Variants in DRAP1 observed in about 807,000 individuals in gnomAD.
The protein encoded by DRAP1 is DR1 associated protein 1.
DRAP1 carries 10 observed loss-of-function variants against 24.1 expected under a neutral mutation model. The observed-to-expected ratio is 0.41, with a 90% CI of 0.26 to 0.70. DRAP1 has a LOEUF of 0.70. Among genes scored for constraint, DRAP1 ranks in the 30% least tolerant of loss-of-function variants. DRAP1 has a pLI of 0.29. For missense variants in DRAP1, 264 were observed against 275.6 expected (o/e 0.96, Z 0.30); for synonymous variants, 122 against 113.8 (o/e 1.07, Z -0.46).
At position 65,920,244 on chromosome 11, in the gene DRAP1, C is replaced by T. The variant is rs1173478304; in HGVS notation, c.210-99C>T. 1.6e-5 allele frequency: 25 copies of T among 1,566,462 alleles called. No homozygotes were observed. The South Asian group carries it at 2.0e-4, about 13-fold the overall frequency. ...GCAGGCCCGGGAGCGGAGATCGGCCCGGGCTCCAGCCTGACATCTGGGGCC... is the reference window on the plus strand; with the variant it reads ...GCAGGCCCGGGAGCGGAGATCGGCCTGGGCTCCAGCCTGACATCTGGGGCC... On this transcript the variant is annotated intron_variant, in intron 3 of 6. Transcript: ENST00000312515.
intron 3 of DRAP1, 127 bp downstream of exon 3, chr11:65,920,168 CAGAGG>C: frequency 7.0e-7 from 1 of 1,420,488 alleles, no homozygotes; most frequent in Non-Finnish European, 9.6e-7. Flanking sequence ...CACAGACTGG[CAGAGG>C]AGAGGCTGGG....
chr11:65,920,063 G>A (rs762585797), intron 3 of DRAP1, 22 bp downstream of exon 3: 3 of 1,609,236 alleles, frequency 1.9e-6, no homozygotes. Context: ...GGAGCCGGGA[G>A]GGGCCGGCGG....
At chr11:65,921,036 TTC>T in intron 6 of DRAP1, 64 bp downstream of exon 6, 1 of 1,276,022 alleles carries the variant, frequency 7.8e-7, no homozygotes, top group Non-Finnish European at 1.1e-6. Flanking sequence ...ACCCCTCTTG[TTC>T]TCCCTGGCCC....
intron 3 of DRAP1, 64 bp downstream of exon 3, chr11:65,920,105 G>A (rs1433957906): frequency 1.3e-6 from 2 of 1,570,722 alleles, no homozygotes; most frequent in Non-Finnish European, 1.7e-6. Flanking sequence ...CACTGAGGAA[G>A]GCAGAGCCTG....
chr11:65,919,598 C>T (rs1026999025), intron 1 of DRAP1, 55 bp downstream of exon 1: 338 of 1,546,526 alleles, frequency 2.2e-4, no homozygotes, highest in Non-Finnish European at 2.8e-4. Context: ...GTGGCTTGGG[C>T]CCAGTTCCCG....
intron 1 of DRAP1, 48 bp downstream of exon 1, chr11:65,919,591 G>A (rs1246858214): frequency 6.5e-7 from 1 of 1,547,544 alleles, no homozygotes; most frequent in South Asian, 1.2e-5. Flanking sequence ...CTCCCGGGTG[G>A]CTTGGGCCCA....
In DRAP1 at chr11:65,920,602, C is replaced by G. The variant is rs1488744525; in HGVS notation, c.363C>G (p.Asn121Lys). The change falls in exon 5 of 7, where the codon AAC (asparagine) becomes AAG (lysine). Residue 121 changes from asparagine to lysine, a missense_variant. Around this residue, in one of 2 missense-constraint regions of DRAP1, gnomAD observed 243 missense variants for 233.6 expected, o/e 1.04. Transcript: ENST00000312515. ...AGCCAGGCAGCGGCGGCCGGAAGAA[C>G]GGTGGGATGGGAACGAAAAGCAAGG... The part of the protein sequence containing the change: ...GRKPGSGGRK[N>K]GGMGTKSKDK... The G allele has an allele frequency of 1.3e-6, 2 of 1,568,102 alleles. No individual in the cohort carries two copies. Among genetic ancestry groups the G allele is most frequent in the East Asian group, 4.6e-5 (2 of 43,680 alleles).
chr11:65,920,049 G>C lies in DRAP1; in HGVS notation c.209+8G>C. 3 of 1,612,424 alleles carry C rather than the reference G, an allele frequency of 1.9e-6. No individual in the cohort carries two copies. Among genetic ancestry groups the C allele is most frequent in the Non-Finnish European group, 2.5e-6 (3 of 1,179,382 alleles). ...CATGACCACATCCCACCTGTGAGCG[G>C]CGAGGAGCCGGGAGGGGCCGGCGGG... On this transcript the variant is annotated splice_region_variant and intron_variant, in intron 3 of 6. Transcript: ENST00000312515.
chr11:65,919,766 TCCCCCACCCGCAGGCG>T lies in DRAP1; in HGVS notation c.43-12_46del, dbSNP rs1565297912. 6.2e-7 allele frequency: 1 copy of T among 1,612,454 alleles called. No individual in the cohort carries two copies. The highest frequency in any genetic ancestry group is 2.2e-5 in the East Asian group (1 of 44,844). On this transcript the variant is annotated splice_acceptor_variant and splice_polypyrimidine_tract_variant and coding_sequence_variant and intron_variant, in exon 2 of 7. Coordinates refer to ENST00000312515, the MANE Select transcript of DRAP1 (RefSeq NM_006442.4). LOFTEE classifies it high-confidence loss of function. ...GGTGGCGACGGGGTCTGAACTCTGC[TCCCCCACCCGCAGGCG>T]CGGATCAAGAAGATCATGCAGACGG... is the stretch of plus-strand genomic sequence containing the variant.
Position 65,919,561 on chromosome 11 carries a change from C to G in DRAP1, c.42+18C>G, listed in dbSNP as rs1289656666. On this transcript the variant is annotated intron_variant, in intron 1 of 6. Transcript: ENST00000312515. Reference sequence around the variant, plus strand: ...TCCCGCCGGTGAGCACGTGGCAGAGCCCGGCAGGAGTGGGCCCGGCTCCCG... The same window carrying G: ...TCCCGCCGGTGAGCACGTGGCAGAGGCCGGCAGGAGTGGGCCCGGCTCCCG... 8 of 1,548,408 alleles carry G rather than the reference C, an allele frequency of 5.2e-6. No individual in the cohort carries two copies.
At position 65,920,623 on chromosome 11, in the gene DRAP1, C is replaced by G; in HGVS notation, c.384C>G (p.Ser128Arg). Reference sequence around the variant, plus strand: ...AGAACGGTGGGATGGGAACGAAAAGCAAGGACAAGAAGCTGTCCGGGACAG... The same window carrying G: ...AGAACGGTGGGATGGGAACGAAAAGGAAGGACAAGAAGCTGTCCGGGACAG... ...GRKNGGMGTK[S>R]KDKKLSGTDS... Residue 128 changes from serine (S) to arginine (R), a missense_variant, in exon 5 of 7, where the codon AGC (serine) becomes AGG (arginine). Physicochemically the swap from Ser to Arg is moderately radical, Grantham distance 110 (BLOSUM62 -1). This residue lies in a region of DRAP1 where 243 missense variants were observed against 233.6 expected (regional missense o/e 1.04). Coordinates refer to ENST00000312515, the MANE Select transcript of DRAP1 (RefSeq NM_006442.4). The G allele has an allele frequency of 1.3e-6, 2 of 1,540,448 alleles. No individual in the cohort carries two copies. Among genetic ancestry groups the G allele is most frequent in the Non-Finnish European group, 1.8e-6 (2 of 1,142,292 alleles).
chr11:65,919,608 G>A, intron 1 of DRAP1, 65 bp downstream of exon 1: 4 of 1,543,946 alleles, frequency 2.6e-6, no homozygotes, highest in Admixed American at 2.0e-5. Flanking sequence ...CCCAGTTCCC[G>A]CTGGGCAGGC....
In DRAP1 at chr11:65,920,660, G is replaced by C. The variant is rs1854538322; in HGVS notation, c.421G>C (p.Glu141Gln). The change falls in exon 5 of 7, where the codon GAG becomes CAG. Residue 141 changes from glutamate (E) to glutamine (Q), a missense_variant and splice_region_variant. By Grantham distance (29) the Glu-to-Gln change is conservative. This residue lies in a region of DRAP1 where 243 missense variants were observed against 233.6 expected (regional missense o/e 1.04). Transcript: ENST00000312515. ...GCTGTCCGGGACAGACTCGGAGCAG[G>C]AGGTGAGTGAGGCCCCAGCCCTTCG... The part of the protein sequence containing the change: ...KKLSGTDSEQ[E>Q]DESEDTDTDG... 1.3e-6 allele frequency: 2 copies of C among 1,483,240 alleles called. No homozygotes were observed. The highest frequency in any genetic ancestry group is 9.0e-7 in the Non-Finnish European group (1 of 1,112,158). 91.9% of individuals were successfully genotyped at this position (1,483,240 alleles called of 1,614,324 possible). A position where few individuals can be genotyped will look rare whatever the true frequency, so the allele number is the denominator to read the frequency against.
At chr11:65,919,584 C>A (rs1220446636) in intron 1 of DRAP1, 41 bp downstream of exon 1, 1 of 1,547,996 alleles carries the variant, frequency 6.5e-7, no homozygotes, top group Non-Finnish European at 8.7e-7. Context: ...GGCCCGGCTC[C>A]CGGGTGGCTT....
At chr11:65,919,881 G>A in intron 2 of DRAP1, 29 bp downstream of exon 2, 1 of 1,613,346 alleles carries the variant, frequency 6.2e-7, no homozygotes, top group Non-Finnish European at 8.5e-7. Flanking sequence ...ACCGGGTCGA[G>A]GGGCGTGGGG....
intron 5 of DRAP1, 37 bp from the exon 6 acceptor site, chr11:65,920,847 C>T (rs762584269): frequency 1.3e-6 from 2 of 1,583,844 alleles, no homozygotes; most frequent in African/African-American, 1.3e-5. Flanking sequence ...GGGTTCGTGT[C>T]TTTTCTTGTC....
rs1158698867 is a variant in DRAP1 at position 65,919,788 on chromosome 11, CAAG to C, written c.56_58del (p.Lys19del). 1.9e-6 allele frequency: 3 copies of C among 1,612,932 alleles called. No individual in the cohort carries two copies. Among genetic ancestry groups the C allele is most frequent in the Admixed American group, 1.7e-5 (1 of 60,010 alleles). On this transcript the variant is annotated inframe_deletion, in exon 2 of 7. Coordinates refer to ENST00000312515, the MANE Select transcript of DRAP1 (RefSeq NM_006442.4). ...TGCTCCCCCACCCGCAGGCGCGGAT[CAAG>C]AAGATCATGCAGACGGACGAAGAGA...
rs774668888 is a variant in DRAP1, at chr11:65,920,333, C to T, written c.210-10C>T. 4.3e-6 allele frequency: 7 copies of T among 1,613,850 alleles called. No individual in the cohort carries two copies. The highest frequency in any genetic ancestry group is 1.7e-5 in the Admixed American group (1 of 60,016). ...CCTCTTGAGTGCCAGCCCCTCCTCA[C>T]CTCTTCCAGGAAGCAGTGCATCGAG... On this transcript the variant is annotated splice_polypyrimidine_tract_variant and intron_variant, in intron 3 of 6. Coordinates refer to ENST00000312515, the MANE Select transcript of DRAP1 (RefSeq NM_006442.4).
chr11:65,919,605 C>A, intron 1 of DRAP1, 62 bp downstream of exon 1: 2 of 1,544,650 alleles, frequency 1.3e-6, no homozygotes, highest in South Asian at 2.4e-5. Context: ...GGGCCCAGTT[C>A]CCGCTGGGCA....
Sources: gnomAD v4.1 joint callset for allele counts on GRCh38, gnomAD v4.1.1 for gene constraint, gnomAD v4.1.1 regional missense constraint, MANE v1.5 for transcripts, NCBI Gene and HGNC (gene_info 2026-07-23, HGNC 2026-07-21) for gene names.